MLANA: variants seen among roughly 807,000 people sequenced by gnomAD.
MLANA encodes melan-A.
A neutral mutation model predicts 15.7 loss-of-function variants in MLANA; 21 were observed. The observed-to-expected ratio is 1.33, with a 90% CI of 0.95 to 1.92. MLANA has a LOEUF of 1.92. Ranked by LOEUF, MLANA falls within the 40% of genes most tolerant of loss-of-function variation. The pLI is 0.00. For missense variants in MLANA, 164 were observed against 143.8 expected (o/e 1.14, Z -0.72); for synonymous variants, 56 against 51.5 (o/e 1.09, Z -0.37).
intron 3 of MLANA, among the ~76,000 whole-genome samples, chr9:5,906,423 C>A (rs897583957): frequency 1.3e-5 from 2 of 152,052 alleles, no homozygotes; most frequent in African/African-American, 4.8e-5. Context: ...TATGTAGGTA[C>A]AAGGTTCTGA....
chr9:5,907,147 C>A (rs1832868317), intron 4 of MLANA, 149 bp downstream of exon 4: 12 of 411,500 alleles, frequency 2.9e-5, no homozygotes, highest in Non-Finnish European at 5.2e-5. Context: ...AAAATGGCAA[C>A]TTTTATGTGT....
In MLANA at chr9:5,894,615, G is replaced by C. The variant is rs1831888380; in HGVS notation, c.77+2064G>C. ...CTCTGAGGTCAGCCAGTGCTCTGCT[G>C]GGGAGGGGCATAATGAAGCTGGCTC... On this transcript the variant is annotated intron_variant, in intron 2 of 4. Transcript: ENST00000381477. This position sits in a 1 kb window ranked among gnomAD's most constrained non-coding sequence, Gnocchi z 4.0. Among the ~76,000 whole-genome samples the C allele has an allele frequency of 6.6e-6, 1 of 152,200 alleles. No homozygotes were observed.
chr9:5,908,135 T>C (rs1832935503), intron 4 of MLANA, among the ~76,000 whole-genome samples: 1 of 152,134 alleles, frequency 6.6e-6, no homozygotes, highest in South Asian at 2.1e-4. Flanking sequence ...CGAGTTAACC[T>C]CTCTGTGCCC....
chr9:5,899,030 A>G (rs185135249), intron 3 of MLANA: 3 of 152,346 alleles, frequency 2.0e-5, no homozygotes, highest in African/African-American at 7.2e-5. Flanking sequence ...CTGAGTTTAT[A>G]AGCTATAAAA....
intron 3 of MLANA, 131 bp downstream of exon 3, chr9:5,897,784 C>G (rs1832132283): frequency 1.3e-6 from 1 of 794,822 alleles, no homozygotes; most frequent in Non-Finnish European, 2.1e-6. Context: ...CTTCTGATGC[C>G]TCTTTTGCTA....
intron 3 of MLANA, among the ~76,000 whole-genome samples, chr9:5,905,020 G>T (rs533081388): frequency 6.6e-6 from 1 of 151,638 alleles, no homozygotes; most frequent in Non-Finnish European, 1.5e-5. Context: ...TGATCCACAC[G>T]CCTTGACCTC....
chr9:5,896,501 G>A (rs2129913653), intron 2 of MLANA, among the ~76,000 whole-genome samples: 1 of 152,330 alleles, frequency 6.6e-6, no homozygotes, highest in East Asian at 1.9e-4. Context: ...AAGTTGTCCA[G>A]TAGATGGTAC....
chr9:5,904,826 T>C (rs907172799), intron 3 of MLANA, among the ~76,000 whole-genome samples: 2 of 149,842 alleles, frequency 1.3e-5, no homozygotes, highest in Non-Finnish European at 3.0e-5. Flanking sequence ...CAGGCTGGAG[T>C]GCAGTGGTAT....
At position 5,894,384 on chromosome 9, in the gene MLANA, C is replaced by T. The variant is rs774677418; in HGVS notation, c.77+1833C>T. 1.3e-4 allele frequency among the ~76,000 whole-genome samples: 20 copies of T among 152,114 alleles called. No individual in the cohort carries two copies. Among genetic ancestry groups the T allele is most frequent in the Non-Finnish European group, 2.9e-5 (2 of 68,008 alleles). On this transcript the variant is annotated intron_variant, in intron 2 of 4. Transcript: ENST00000381477. The surrounding 1 kb of genome is among the most constrained non-coding windows in gnomAD (Gnocchi z 4.0). Reference sequence around the variant, plus strand: ...GAGACTGAGGAGGCAAAGAAGGCATCGGGGCAACCAAGGCTGTACCCACAG... The same window carrying T: ...GAGACTGAGGAGGCAAAGAAGGCATTGGGGCAACCAAGGCTGTACCCACAG...
intron 3 of MLANA, among the ~76,000 whole-genome samples, chr9:5,902,680 T>G (rs1030938533): frequency 6.6e-6 from 1 of 151,884 alleles, no homozygotes; most frequent in Non-Finnish European, 1.5e-5. Context: ...TTTTTTTTTT[T>G]TTAATTTGTA....
intron 3 of MLANA, among the ~76,000 whole-genome samples, chr9:5,902,856 C>T (rs951221631): frequency 2.6e-5 from 4 of 151,874 alleles, no homozygotes; most frequent in Admixed American, 6.6e-5. Flanking sequence ...TTTATTTTTC[C>T]GCTTACTTTG....
chr9:5,901,127 G>A (rs1832393549), intron 3 of MLANA, among the ~76,000 whole-genome samples: 1 of 151,618 alleles, frequency 6.6e-6, no homozygotes, highest in African/African-American at 2.4e-5. Flanking sequence ...GTGAGTGAGA[G>A]GCTTAAAAAA....
rs1832974299 is a variant in MLANA at position 5,908,698 on chromosome 9, A to T, written c.347A>T (p.Tyr116Phe). 6.2e-7 allele frequency: 1 copy of T among 1,613,882 alleles called. No individual in the cohort carries two copies. The highest frequency in any genetic ancestry group is 1.1e-5 in the South Asian group (1 of 91,074). ...TCTGCAGAACAGTCACCACCACCTT[A>T]TTCACCTTAAGAGCCAGCGAGACAC... Reference protein sequence around the residue: ...KLSAEQSPPPYSP With the variant: ...KLSAEQSPPPFSP The change falls in exon 5 of 5, where the codon TAT (tyrosine) becomes TTT (phenylalanine). Residue 116 changes from tyrosine (Y) to phenylalanine (F), a missense_variant. By Grantham distance (22) the Tyr-to-Phe change is conservative. Transcript: ENST00000381477.
chr9:5,906,763 C>A (rs1832842107), intron 3 of MLANA, 122 bp from the exon 4 acceptor site: 3 of 596,594 alleles, frequency 5.0e-6, no homozygotes, highest in East Asian at 6.1e-5. Context: ...TGAAGGCACA[C>A]AGCAAGTAAG....
rs1279386057 is a variant in MLANA at position 5,908,886 on chromosome 9, A to C, written c.*178A>C. The C allele has an allele frequency of 1.7e-6, 1 of 574,982 alleles. No individual in the cohort carries two copies. Among genetic ancestry groups the C allele is most frequent in the Non-Finnish European group, 3.1e-6 (1 of 324,828 alleles). The allele number at this position is 574,982 out of a possible 1,614,324, so 35.6% of individuals were successfully genotyped here. On this transcript the variant is annotated 3_prime_UTR_variant, in exon 5 of 5. Coordinates refer to ENST00000381477, the MANE Select transcript of MLANA (RefSeq NM_005511.2). ...GCTAGCAGTACTAATCATGTGAGGA[A>C]ATGATGAGAAATATTAAATTGGGAA... is the stretch of plus-strand genomic sequence containing the variant.
rs776451325 is a variant in MLANA, at chr9:5,897,551, G to C, written c.78-6G>C. Reference sequence around the variant, plus strand: ...ACAAAGTGGATTTGTCTATCTCTTGGGCCAGGGCCGCTGGGATCGGCATCC... The same window carrying C: ...ACAAAGTGGATTTGTCTATCTCTTGCGCCAGGGCCGCTGGGATCGGCATCC... On this transcript the variant is annotated splice_region_variant and splice_polypyrimidine_tract_variant and intron_variant, in intron 2 of 4. Coordinates refer to ENST00000381477, the MANE Select transcript of MLANA (RefSeq NM_005511.2). 7.4e-6 allele frequency: 12 copies of C among 1,613,462 alleles called. No homozygotes were observed. Among genetic ancestry groups the C allele is most frequent in the African/African-American group, 1.3e-5 (1 of 74,906 alleles).
At chr9:5,895,879 G>A (rs765778173) in intron 2 of MLANA, among the ~76,000 whole-genome samples, 6 of 152,204 alleles carry the variant, frequency 3.9e-5, no homozygotes, top group African/African-American at 7.2e-5. Context: ...TGAGTACCAC[G>A]TGACCATGCA....
At chr9:5,895,185 C>G (rs566557925) in intron 2 of MLANA, among the ~76,000 whole-genome samples, 1 of 152,302 alleles carries the variant, frequency 6.6e-6, no homozygotes, top group South Asian at 2.1e-4. Context: ...AAACACTTAA[C>G]TTCAGTCTGT....
Position 5,892,505 on chromosome 9 carries a change from G to A in MLANA, c.31G>A (p.Gly11Ser). 4 of 1,613,830 alleles carry A rather than the reference G, an allele frequency of 2.5e-6. No individual in the cohort carries two copies. The highest frequency in any genetic ancestry group is 3.4e-6 in the Non-Finnish European group (4 of 1,179,894). Reference sequence around the variant, plus strand: ...AAGAGAAGATGCTCACTTCATCTATGGTTACCCCAAGAAGGGGCACGGCCA... The same window carrying A: ...AAGAGAAGATGCTCACTTCATCTATAGTTACCCCAAGAAGGGGCACGGCCA... Reference protein sequence around the residue: MPREDAHFIYGYPKKGHGHSY... With the variant: MPREDAHFIYSYPKKGHGHSY... Residue 11 changes from glycine to serine, a missense_variant, in exon 2 of 5, where the codon GGT becomes AGT. Coordinates refer to ENST00000381477, the MANE Select transcript of MLANA (RefSeq NM_005511.2).
Sources: allele counts gnomAD v4.1 joint callset (sites outside exome capture counted in the v4.1 genomes callset), GRCh38; gene constraint gnomAD v4.1.1; non-coding constraint Gnocchi (gnomAD v3.1); transcripts MANE v1.5; gene names NCBI Gene and HGNC (gene_info 2026-07-23, HGNC 2026-07-21).